The following LEMD3 variants were observed in gnomAD, a reference collection of about 807,000 sequenced individuals.
LEMD3 encodes the protein LEM domain containing 3.
LEMD3 carries 33 observed loss-of-function variants against 95.2 expected under a neutral mutation model. The observed-to-expected ratio is 0.35, with a 90% CI of 0.26 to 0.46. LEMD3 has a LOEUF of 0.46. LEMD3 is among the 20% of genes least tolerant of loss of function. LEMD3 has a pLI of 1.00. For missense variants in LEMD3, 1,210 were observed against 1,192.8 expected (o/e 1.01, Z -0.21); for synonymous variants, 525 against 474.6 (o/e 1.11, Z -1.38).
chr12:65,204,174 ATTTTT>A (rs879289495), intron 1 of LEMD3, among the ~76,000 whole-genome samples: 2 of 134,982 alleles, frequency 1.5e-5, no homozygotes, highest in African/African-American at 2.7e-5. Context: ...TTTTTTTTTC[ATTTTT>A]TTTTTTTTAA....
intron 1 of LEMD3, among the ~76,000 whole-genome samples, chr12:65,190,172 G>T (rs1050438929): frequency 6.6e-6 from 1 of 152,142 alleles, no homozygotes; most frequent in Admixed American, 6.6e-5. Flanking sequence ...AAAGAGAACA[G>T]ATTTTTATTG....
In LEMD3 at chr12:65,218,587, C is replaced by A. The variant is rs765794322; in HGVS notation, c.1663C>A (p.Leu555Ile). 4 of 1,606,560 alleles carry A rather than the reference C, an allele frequency of 2.5e-6. No homozygotes were observed. The African/African-American group carries it at 5.4e-5, about 22-fold the overall frequency. ...HECGSSSQRT[L>I]SVQEAAAYLK... ...ATGTGGCAGTTCTAGTCAAAGAACG[C>A]TTTCTGTTCAAGAGGCAGCTGCGTA... The change falls in exon 4 of 13, where the codon CTT (leucine) becomes ATT (isoleucine). Residue 555 changes from leucine (L) to isoleucine (I), a missense_variant. Around this residue, in one of 2 missense-constraint regions of LEMD3, gnomAD observed 461 missense variants for 569.8 expected, o/e 0.81. Transcript: ENST00000308330.
Position 65,170,487 on chromosome 12 carries a change from G to A in LEMD3, c.891G>A (p.Leu297=), listed in dbSNP as rs1403362229. 6.2e-7 allele frequency: 1 copy of A among 1,613,600 alleles called. No individual in the cohort carries two copies. Among genetic ancestry groups the A allele is most frequent in the Non-Finnish European group, 8.5e-7 (1 of 1,179,894 alleles). ...RRTHSKPLPP[L]TAKSAGGRLE... is the part of the protein sequence containing the mutation. ...CCCATAGTAAGCCTCTCCCCCCGCT[G>A]ACTGCTAAATCGGCCGGCGGCAGGC... Residue 297 remains leucine, a synonymous_variant, in exon 1 of 13, where the codon CTG becomes CTA. Coordinates refer to ENST00000308330, the MANE Select transcript of LEMD3 (RefSeq NM_014319.5).
At chr12:65,222,655 C>A (rs1008964868) in intron 4 of LEMD3, among the ~76,000 whole-genome samples, 1 of 151,854 alleles carries the variant, frequency 6.6e-6, no homozygotes, top group Non-Finnish European at 1.5e-5. Flanking sequence ...TTTATTTTTG[C>A]TCCAATCTTT....
rs761206230 is a variant in LEMD3 at position 65,169,689 on chromosome 12, G to A, written c.93G>A (p.Val31=). 1 of 1,585,814 alleles carries A rather than the reference G, an allele frequency of 6.3e-7. No individual in the cohort carries two copies. Among genetic ancestry groups the A allele is most frequent in the Non-Finnish European group, 8.6e-7 (1 of 1,166,766 alleles). Residue 31 remains valine (V), a synonymous_variant, in exon 1 of 13, where the codon GTG becomes GTA. Coordinates refer to ENST00000308330, the MANE Select transcript of LEMD3 (RefSeq NM_014319.5). ...GTTACGGCCTGTCTCCCGGACCAGT[G>A]ACGGAGAGCACCCGCCCGGTCTACC... ...LRRYGLSPGP[V]TESTRPVYLK...
Position 65,212,464 on chromosome 12 carries a change from G to T in LEMD3, c.1560+1501G>T, listed in dbSNP as rs555552821. Among the ~76,000 whole-genome samples the T allele has an allele frequency of 1.7e-3, 263 of 151,762 alleles. 1 individual carries two copies. Among genetic ancestry groups the T allele is most frequent in the Middle Eastern group, 3.4e-3 (1 of 294 alleles). ...AGGCAGGAGAATGGCCTGAACCCGG[G>T]AGGCGGAGCTTGCAGTGAGCCAAGA... On this transcript the variant is annotated intron_variant, in intron 2 of 12. Coordinates refer to ENST00000308330, the MANE Select transcript of LEMD3 (RefSeq NM_014319.5).
chr12:65,178,020 A>T (rs1037072624), intron 1 of LEMD3, among the ~76,000 whole-genome samples: 2 of 151,700 alleles, frequency 1.3e-5, no homozygotes, highest in African/African-American at 4.8e-5. Flanking sequence ...AATTTTTTGT[A>T]TTTTTTGTTG....
chr12:65,186,852 A>T (rs1269033367), intron 1 of LEMD3, among the ~76,000 whole-genome samples: 11 of 152,024 alleles, frequency 7.2e-5, no homozygotes, highest in Non-Finnish European at 1.6e-4. Flanking sequence ...CTATAGTAGT[A>T]TGTTGGGAAA....
rs535477214 is a variant in LEMD3, at chr12:65,243,863, A to G, written c.2387+394A>G. The stretch of plus-strand genomic sequence containing the variant: ...GCTGCTTACAAATTTCAAATCTCAA[A>G]TTGTAAAAAGTTTCCTACAAAGATG... On this transcript the variant is annotated intron_variant, in intron 10 of 12. Transcript: ENST00000308330. Among the ~76,000 whole-genome samples, 13 of 152,314 alleles carry G rather than the reference A, an allele frequency of 8.5e-5. No homozygotes were observed. The South Asian group carries it at 2.3e-3, about 27-fold the overall frequency.
At position 65,196,136 on chromosome 12, in the gene LEMD3, G is replaced by C. The variant is rs544540401; in HGVS notation, c.1523-14790G>C. Among the ~76,000 whole-genome samples the C allele has an allele frequency of 3.3e-5, 5 of 151,904 alleles. No individual in the cohort carries two copies. The East Asian group carries it at 9.7e-4, about 30-fold the overall frequency. ...GCATTTGTCTAGCTTTTCATCTTTGGGTTGGGAAGATAACTGAGCTAAAAG... is the reference window on the plus strand; with the variant it reads ...GCATTTGTCTAGCTTTTCATCTTTGCGTTGGGAAGATAACTGAGCTAAAAG... On this transcript the variant is annotated intron_variant, in intron 1 of 12. Transcript: ENST00000308330.
At chr12:65,202,190 G>A (rs1281464703) in intron 1 of LEMD3, among the ~76,000 whole-genome samples, 1 of 151,792 alleles carries the variant, frequency 6.6e-6, no homozygotes, top group African/African-American at 2.4e-5. Context: ...GGCTAATTTT[G>A]TATTTTTAGT....
chr12:65,215,470 T>A (rs1870078775), intron 2 of LEMD3, among the ~76,000 whole-genome samples: 1 of 152,220 alleles, frequency 6.6e-6, no homozygotes, highest in Non-Finnish European at 1.5e-5. Context: ...GTTTATTTAA[T>A]GTTTGTTTCA....
intron 1 of LEMD3, among the ~76,000 whole-genome samples, chr12:65,203,983 A>G (rs192092868): frequency 1.3e-5 from 2 of 152,248 alleles, no homozygotes; most frequent in Admixed American, 6.5e-5. Context: ...AGCATGGTAT[A>G]ACTTCCTCCA....
At position 65,210,913 on chromosome 12, in the gene LEMD3, C is replaced by G. The variant is rs533468714; in HGVS notation, c.1523-13C>G. On this transcript the variant is annotated splice_polypyrimidine_tract_variant and intron_variant, in intron 1 of 12. Transcript: ENST00000308330. ...GTGATGCTAATACTTGTCTTTTTTT[C>G]CTTCCTTGATAGTAGAAAACCCCTT... is the stretch of plus-strand genomic sequence containing the variant. 2.5e-6 allele frequency: 4 copies of G among 1,581,922 alleles called. No individual in the cohort carries two copies. The East Asian group carries it at 6.7e-5, about 27-fold the overall frequency.
Position 65,246,269 on chromosome 12 carries a change from TC to T in LEMD3, c.2682del (p.Met895CysfsTer10). The T allele has an allele frequency of 6.2e-7, 1 of 1,613,462 alleles. No individual in the cohort carries two copies. ...GAAGCCATCAAATAAACATATGAAC[TC>T]CATGTCTCATCTTCGTCTTCGGACT... ...PLKPSNKHMN[S>X]MSHLRLRTGL... On this transcript the variant is annotated frameshift_variant, in exon 13 of 13. Coordinates refer to ENST00000308330, the MANE Select transcript of LEMD3 (RefSeq NM_014319.5). LOFTEE classifies it high-confidence loss of function.
chr12:65,230,430 TTTTTATGGTG>T (rs987854508), intron 4 of LEMD3, among the ~76,000 whole-genome samples: 8 of 152,120 alleles, frequency 5.3e-5, no homozygotes, highest in African/African-American at 1.9e-4. Flanking sequence ...ATGGGATGTC[TTTTTATGGTG>T]TTTTATGGTT....
At chr12:65,241,929 A>G (rs1870950815) in intron 9 of LEMD3, among the ~76,000 whole-genome samples, 2 of 152,162 alleles carry the variant, frequency 1.3e-5, no homozygotes, top group African/African-American at 4.8e-5. Flanking sequence ...AGGGCTTAAT[A>G]CCTGGGTGAT....
At chr12:65,213,101 GATAGATAGATA>G (rs1869992602) in intron 2 of LEMD3, among the ~76,000 whole-genome samples, 1 of 152,154 alleles carries the variant, frequency 6.6e-6, no homozygotes, top group Non-Finnish European at 1.5e-5. Context: ...TAGATAGATA[GATAGATAGATA>G]GATAAAGTAA....
intron 1 of LEMD3, among the ~76,000 whole-genome samples, chr12:65,186,320 T>G (rs1869061498): frequency 1.3e-5 from 2 of 152,246 alleles, no homozygotes; most frequent in South Asian, 4.1e-4. Flanking sequence ...AAACAAAATT[T>G]GTATTTTACT....
Sources: gnomAD v4.1 joint callset for allele counts (sites outside exome capture counted in the v4.1 genomes callset) on GRCh38, gnomAD v4.1.1 for gene constraint, gnomAD v4.1.1 regional missense constraint, MANE v1.5 for transcripts, NCBI Gene and HGNC (gene_info 2026-07-23, HGNC 2026-07-21) for gene names.